The following TRAPPC9 variants were observed in gnomAD, a reference collection of about 807,000 sequenced individuals.
The protein encoded by TRAPPC9 is IKK2 binding protein.
TRAPPC9 carries 83 observed loss-of-function variants against 124.0 expected under a neutral mutation model. The ratio of observed to expected loss-of-function variants is 0.67; its 90% CI spans 0.56 to 0.80. The LOEUF (loss-of-function observed/expected upper bound fraction) is 0.80, where lower values mean the gene tolerates loss of function less well. Ranked by LOEUF, TRAPPC9 falls within the 30% of genes least tolerant of loss-of-function variation. The pLI is 0.00. For missense variants in TRAPPC9, 1,302 were observed against 1,508.3 expected (o/e 0.86, Z 2.27); for synonymous variants, 638 against 617.5 (o/e 1.03, Z -0.49).
intron 17 of TRAPPC9, among the ~76,000 whole-genome samples, chr8:140,049,954 T>C (rs540593084): frequency 3.3e-4 from 50 of 152,338 alleles, no homozygotes; most frequent in African/African-American, 1.1e-3. Flanking sequence ...AGTGTGTAAC[T>C]GTTGCCTACA....
intron 19 of TRAPPC9, among the ~76,000 whole-genome samples, chr8:139,928,034 C>T (rs1381290790): frequency 6.6e-6 from 1 of 152,232 alleles, no homozygotes; most frequent in Non-Finnish European, 1.5e-5. Flanking sequence ...CGTATAGACA[C>T]ATATCAAAGC....
At chr8:139,874,127 C>T (rs1023463906) in intron 21 of TRAPPC9, among the ~76,000 whole-genome samples, 5 of 152,162 alleles carry the variant, frequency 3.3e-5, no homozygotes, top group Admixed American at 3.3e-4. Flanking sequence ...CCAGGGCTGT[C>T]GTAAGGCAGA....
At chr8:139,861,925 A>G (rs1278764905) in intron 21 of TRAPPC9, among the ~76,000 whole-genome samples, 1 of 151,618 alleles carries the variant, frequency 6.6e-6, no homozygotes, top group East Asian at 2.0e-4. Context: ...TGGAAAGGGG[A>G]AAGATGAAAC....
At chr8:139,944,965 A>T (rs1328756644) in intron 19 of TRAPPC9, among the ~76,000 whole-genome samples, 9 of 152,168 alleles carry the variant, frequency 5.9e-5, no homozygotes, top group Non-Finnish European at 1.2e-4. Context: ...TCTACTAAAA[A>T]TACAAAAAAT....
chr8:139,806,204 A>G (rs1404332519), intron 21 of TRAPPC9: 2 of 152,276 alleles, frequency 1.3e-5, no homozygotes, highest in African/African-American at 2.4e-5. Flanking sequence ...TCAAATGGTC[A>G]CCTGCAATCA....
intron 17 of TRAPPC9, among the ~76,000 whole-genome samples, chr8:140,209,594 C>G (rs1028148102): frequency 5.9e-5 from 9 of 152,240 alleles, no homozygotes; most frequent in African/African-American, 2.2e-4. Context: ...AAGAAATTCC[C>G]TGTCTCTGTA....
At position 140,252,504 on chromosome 8, in the gene TRAPPC9, T is replaced by G; in HGVS notation, c.2431+273A>C. The G allele has an allele frequency of 2.3e-6, 1 of 433,108 alleles. No homozygotes were observed. 26.8% of individuals were successfully genotyped at this position (433,108 alleles called of 1,614,324 possible). On this transcript the variant is annotated intron_variant, in intron 16 of 22. Coordinates refer to ENST00000438773, the MANE Select transcript of TRAPPC9 (RefSeq NM_001160372.4). This position sits in a 1 kb window ranked among gnomAD's most constrained non-coding sequence, Gnocchi z 4.2. ...ATACTTGAAAAAACGCAGTAATTCCTACATTCCACTAATTTAGAATGACCT... is the reference window on the plus strand; with the variant it reads ...ATACTTGAAAAAACGCAGTAATTCCGACATTCCACTAATTTAGAATGACCT...
intron 17 of TRAPPC9, among the ~76,000 whole-genome samples, chr8:140,079,265 T>C (rs1436500094): frequency 6.6e-6 from 1 of 152,200 alleles, no homozygotes; most frequent in Non-Finnish European, 1.5e-5. Flanking sequence ...TATGTCTTTA[T>C]TAGCAGAGTG....
intron 4 of TRAPPC9, among the ~76,000 whole-genome samples, chr8:140,431,560 A>G (rs1253101137): frequency 2.6e-5 from 4 of 152,202 alleles, no homozygotes; most frequent in Non-Finnish European, 5.9e-5. Context: ...ATTTCCAAAC[A>G]CTATAAAATG....
At chr8:140,195,391 CAAT>C (rs2062623254) in intron 17 of TRAPPC9, among the ~76,000 whole-genome samples, 1 of 152,066 alleles carries the variant, frequency 6.6e-6, no homozygotes, top group Non-Finnish European at 1.5e-5. Flanking sequence ...CTAAAACACT[CAAT>C]GATCCATTGT....
chr8:140,172,239 G>A (rs1279935284), intron 17 of TRAPPC9, among the ~76,000 whole-genome samples: 1 of 152,142 alleles, frequency 6.6e-6, no homozygotes, highest in African/African-American at 2.4e-5. Flanking sequence ...CACACAGGGA[G>A]GACTCCCCAG....
At chr8:140,328,008 A>T (rs1043809046) in intron 9 of TRAPPC9, among the ~76,000 whole-genome samples, 1 of 152,210 alleles carries the variant, frequency 6.6e-6, no homozygotes, top group African/African-American at 2.4e-5. Flanking sequence ...TAATCCCAGC[A>T]CTTTGGGAGG....
At chr8:140,370,859 C>T in intron 8 of TRAPPC9, 105 bp downstream of exon 8, 2 of 1,300,830 alleles carry the variant, frequency 1.5e-6, no homozygotes, top group Non-Finnish European at 2.2e-6. Context: ...ATTCTGGAGC[C>T]ACCAGCACCA....
In TRAPPC9 at chr8:139,731,881, C is replaced by A. The variant is rs1396205302; in HGVS notation, c.3279+98G>T. The A allele has an allele frequency of 7.1e-6, 8 of 1,134,752 alleles. No individual in the cohort carries two copies. The Admixed American group carries it at 1.6e-4, about 22-fold the overall frequency. 70.3% of individuals were successfully genotyped at this position (1,134,752 alleles called of 1,614,324 possible). On this transcript the variant is annotated intron_variant, in intron 22 of 22. Transcript: ENST00000438773. The stretch of plus-strand genomic sequence containing the variant: ...ACAGAACCCCTGCTGCTATCGTCTG[C>A]TGGACATATGCTGACCCCAAAGCCC...
chr8:139,967,373 C>T (rs1179331013), intron 19 of TRAPPC9, among the ~76,000 whole-genome samples: 1 of 152,230 alleles, frequency 6.6e-6, no homozygotes, highest in Non-Finnish European at 1.5e-5. Flanking sequence ...TGCACTAAGT[C>T]ACTAAGATTC....
chr8:140,331,974 G>C (rs1563951591), intron 9 of TRAPPC9, among the ~76,000 whole-genome samples: 1 of 152,130 alleles, frequency 6.6e-6, no homozygotes, highest in South Asian at 2.1e-4. Flanking sequence ...CCACTGCTGG[G>C]ATTTCCAAAG....
At chr8:140,131,607 C>A (rs1482498786) in intron 17 of TRAPPC9, among the ~76,000 whole-genome samples, 1 of 152,174 alleles carries the variant, frequency 6.6e-6, no homozygotes, top group Admixed American at 6.5e-5. Flanking sequence ...TAGACGGCCC[C>A]GTCCTAGACA....
intron 8 of TRAPPC9, among the ~76,000 whole-genome samples, chr8:140,364,685 T>G (rs1309377817): frequency 6.6e-6 from 1 of 151,946 alleles, no homozygotes; most frequent in Non-Finnish European, 1.5e-5. Flanking sequence ...CAGGTTCAAG[T>G]GATTCTCCTG....
At chr8:140,345,572 G>C (rs1310919873) in intron 9 of TRAPPC9, among the ~76,000 whole-genome samples, 4 of 152,228 alleles carry the variant, frequency 2.6e-5, no homozygotes, top group African/African-American at 9.7e-5. Flanking sequence ...GAGTGGGACA[G>C]ATATGTATTG....
Sources: gnomAD v4.1 joint callset for allele counts (sites outside exome capture counted in the v4.1 genomes callset) on GRCh38, gnomAD v4.1.1 for gene constraint, Gnocchi (gnomAD v3.1) non-coding constraint, MANE v1.5 for transcripts, NCBI Gene and HGNC (gene_info 2026-07-23, HGNC 2026-07-21) for gene names.